CACNA2D1: variants seen among roughly 807,000 people sequenced by gnomAD.
CACNA2D1 encodes the protein voltage-dependent calcium channel subunit alpha-2/delta-1.
A neutral mutation model predicts 171.5 loss-of-function variants in CACNA2D1; 53 were observed. That is an observed-to-expected ratio of 0.31 (90% CI 0.25 to 0.39). CACNA2D1 has a LOEUF of 0.39. Ranked by LOEUF, CACNA2D1 falls within the 10% of genes least tolerant of loss-of-function variation. The pLI is 1.00. For synonymous variants in CACNA2D1, 442 were observed against 443.1 expected (o/e 1.00, Z 0.03); for missense variants, 903 against 1,299.8 (o/e 0.69, Z 4.69).
At chr7:82,432,923 C>CACCTGTAATCCTA (rs1829818411) in intron 1 of CACNA2D1, among the ~76,000 whole-genome samples, 1 of 152,126 alleles carries the variant, frequency 6.6e-6, no homozygotes, top group Non-Finnish European at 1.5e-5. Flanking sequence ...TCGCGGCTCA[C>CACCTGTAATCCTA]GCCTGTAATC....
At chr7:82,281,493 A>T (rs946800609) in intron 3 of CACNA2D1, among the ~76,000 whole-genome samples, 3 of 152,214 alleles carry the variant, frequency 2.0e-5, no homozygotes, top group Non-Finnish European at 4.4e-5. Context: ...ACTAACTGTC[A>T]TTCCTTAGAA....
At position 82,289,488 on chromosome 7, in the gene CACNA2D1, C is replaced by T. The variant is rs73374390; in HGVS notation, c.294+45647G>A. 2.9e-3 allele frequency among the ~76,000 whole-genome samples: 446 copies of T among 152,248 alleles called. 3 individuals carry two copies. Among genetic ancestry groups the T allele is most frequent in the African/African-American group, 9.9e-3 (412 of 41,552 alleles). ...AGGTAAAAATGGGACTAGAATTGAA[C>T]ACAGTAAAAAGGCATTAACCATTCC... On this transcript the variant is annotated intron_variant, in intron 3 of 38. Coordinates refer to ENST00000356860, the MANE Select transcript of CACNA2D1 (RefSeq NM_000722.4).
chr7:82,317,086 T>C (rs190725885), intron 3 of CACNA2D1, among the ~76,000 whole-genome samples: 2 of 152,342 alleles, frequency 1.3e-5, no homozygotes, highest in African/African-American at 4.8e-5. Flanking sequence ...TGGTTAATGT[T>C]AGTTGAATAT....
chr7:81,969,040 C>T, intron 28 of CACNA2D1, 67 bp from the exon 29 acceptor site: 1 of 925,880 alleles, frequency 1.1e-6, no homozygotes, highest in East Asian at 2.6e-5. Flanking sequence ...GATTTTCCGT[C>T]ATTAGATACA....
At chr7:82,195,529 G>GT in intron 3 of CACNA2D1, among the ~76,000 whole-genome samples, 1 of 151,800 alleles carries the variant, frequency 6.6e-6, no homozygotes, top group Non-Finnish European at 1.5e-5. Context: ...CTGGATTTTT[G>GT]TTTTTAGGTC....
intron 3 of CACNA2D1, among the ~76,000 whole-genome samples, chr7:82,324,610 C>G (rs1816419625): frequency 6.6e-6 from 1 of 151,978 alleles, no homozygotes; most frequent in African/African-American, 2.4e-5. Context: ...TTATTTTAGA[C>G]TTAAAAATCC....
intron 10 of CACNA2D1, among the ~76,000 whole-genome samples, chr7:82,039,684 G>T (rs1189895409): frequency 6.6e-6 from 1 of 152,170 alleles, no homozygotes; most frequent in Non-Finnish European, 1.5e-5. Context: ...ACATTTGAAA[G>T]AAAATTCTCC....
chr7:82,058,742 C>T (rs1806245801), intron 10 of CACNA2D1, among the ~76,000 whole-genome samples: 1 of 152,174 alleles, frequency 6.6e-6, no homozygotes, highest in Admixed American at 6.5e-5. Flanking sequence ...CGGAGGAGGG[C>T]TTCCCAGCTC....
At chr7:81,965,780 ATCTTC>A (rs1794656199) in intron 31 of CACNA2D1, 115 bp from the exon 32 acceptor site, 1 of 723,746 alleles carries the variant, frequency 1.4e-6, no homozygotes, top group South Asian at 1.4e-5. Context: ...TTAAATGCCT[ATCTTC>A]TCTTGAACAT....
chr7:82,414,765 T>A (rs1440156322), intron 1 of CACNA2D1, among the ~76,000 whole-genome samples: 1 of 152,172 alleles, frequency 6.6e-6, no homozygotes, highest in East Asian at 1.9e-4. Flanking sequence ...CACTAACAGC[T>A]CAAAGTGAGC....
intron 1 of CACNA2D1, among the ~76,000 whole-genome samples, chr7:82,349,953 T>C (rs75285366): frequency 0.068 from 10,314 of 152,294 alleles, 475 homozygotes; most frequent in African/African-American, 0.13. Flanking sequence ...ATTAAATAGC[T>C]ATTAAACATT....
intron 3 of CACNA2D1, among the ~76,000 whole-genome samples, chr7:82,192,255 A>C (rs182540149): frequency 6.6e-6 from 1 of 151,906 alleles, no homozygotes; most frequent in Admixed American, 6.6e-5. Flanking sequence ...GATATGACAT[A>C]AAATCACTTA....
intron 7 of CACNA2D1, among the ~76,000 whole-genome samples, chr7:82,082,985 A>G (rs138521974): frequency 1.1e-3 from 163 of 151,848 alleles, no homozygotes; most frequent in African/African-American, 3.7e-3. Flanking sequence ...CTTTCCATCC[A>G]TCTCTTGATC....
intron 1 of CACNA2D1, among the ~76,000 whole-genome samples, chr7:82,435,181 G>A (rs745765329): frequency 6.6e-6 from 1 of 151,728 alleles, no homozygotes; most frequent in Non-Finnish European, 1.5e-5. Flanking sequence ...GACTACAGGC[G>A]CATGCCATCA....
At chr7:81,958,278 T>A (rs1793676969) in intron 38 of CACNA2D1, among the ~76,000 whole-genome samples, 1 of 151,992 alleles carries the variant, frequency 6.6e-6, no homozygotes, top group Non-Finnish European at 1.5e-5. Context: ...TGCATAATAT[T>A]ATCTGTGAAA....
At chr7:82,306,881 A>C (rs1335271145) in intron 3 of CACNA2D1, among the ~76,000 whole-genome samples, 1 of 106,498 alleles carries the variant, frequency 9.4e-6, no homozygotes, top group Admixed American at 9.4e-5. Context: ...AAAATACAAA[A>C]AAAAAAAAAA....
chr7:81,950,361 G>GTT lies in CACNA2D1; in HGVS notation c.*29_*30dup. ...GGCTCATGTTTTGGCAGGGTCTGGA[G>GTT]TTTAACTATGCAGATTTGGTTTTTA... is the stretch of plus-strand genomic sequence containing the variant. On this transcript the variant is annotated 3_prime_UTR_variant, in exon 39 of 39. Coordinates refer to ENST00000356860, the MANE Select transcript of CACNA2D1 (RefSeq NM_000722.4). 1 of 1,612,854 alleles carries GTT rather than the reference G, an allele frequency of 6.2e-7. No individual in the cohort carries two copies. The highest frequency in any genetic ancestry group is 8.5e-7 in the Non-Finnish European group (1 of 1,179,228).
intron 10 of CACNA2D1, among the ~76,000 whole-genome samples, chr7:82,051,489 T>C (rs964419967): frequency 1.3e-5 from 2 of 151,984 alleles, no homozygotes; most frequent in African/African-American, 4.8e-5. Context: ...TGGTAAAAAA[T>C]CAAAGACAGT....
intron 3 of CACNA2D1, among the ~76,000 whole-genome samples, chr7:82,334,280 T>C (rs1817724923): frequency 6.6e-6 from 1 of 152,214 alleles, no homozygotes; most frequent in Non-Finnish European, 1.5e-5. Context: ...TGTCATTTTA[T>C]AAAGCTGACT....
Sources: gnomAD v4.1 joint callset for allele counts (sites outside exome capture counted in the v4.1 genomes callset) on GRCh38, gnomAD v4.1.1 for gene constraint, MANE v1.5 for transcripts, NCBI Gene and HGNC (gene_info 2026-07-23, HGNC 2026-07-21) for gene names.